The following MPZ variants were observed in gnomAD, a reference collection of about 807,000 sequenced individuals.
MPZ encodes the protein myelin protein zero.
A neutral mutation model predicts 27.9 loss-of-function variants in MPZ; 13 were observed. The ratio of observed to expected loss-of-function variants is 0.47; its 90% CI spans 0.30 to 0.74. The LOEUF (loss-of-function observed/expected upper bound fraction) is 0.74, where lower values mean the gene tolerates loss of function less well. Ranked by LOEUF, MPZ falls within the 30% of genes least tolerant of loss-of-function variation. The probability of loss-of-function intolerance (pLI) is 0.06; values close to 1 mark genes in which losing one functional copy is unlikely to be tolerated. For missense variants in MPZ, 256 were observed against 317.5 expected, an observed-to-expected ratio of 0.81 and a Z score of 1.47; for synonymous variants, 118 against 128.9, an observed-to-expected ratio of 0.92 and a Z score of 0.57.
chr1:161,307,537 A>G, intron 1 of MPZ, 113 bp from the exon 2 acceptor site: 1 of 1,200,136 alleles, frequency 8.3e-7, no homozygotes. Context: ...GCCAATTTGG[A>G]AAAGAAACAA....
At chr1:161,309,541 T>TC (rs1670344960) in intron 1 of MPZ, among the ~76,000 whole-genome samples, 1 of 112,960 alleles carries the variant, frequency 8.9e-6, no homozygotes, top group African/African-American at 3.7e-5. Context: ...TTTTCATATA[T>TC]ATATATATAT....
In MPZ at chr1:161,305,536, G is replaced by T; in HGVS notation, c.*340C>A. On this transcript the variant is annotated 3_prime_UTR_variant, in exon 6 of 6. Transcript: ENST00000533357. ...AAGGTGGGGGAGAATACAATTGCCT[G>T]GGGAATGAATTCTGGAATGAAACTT... The T allele has an allele frequency of 3.0e-6, 1 of 330,734 alleles. No individual in the cohort carries two copies. 20.5% of individuals were successfully genotyped at this position (330,734 alleles called of 1,614,324 possible).
intron 2 of MPZ, 137 bp downstream of exon 2, chr1:161,307,120 CA>C: frequency 3.3e-6 from 4 of 1,210,578 alleles, no homozygotes; most frequent in Non-Finnish European, 3.5e-6. Flanking sequence ...GTCAGGGTGA[CA>C]AAGACTGTCA....
intron 3 of MPZ, 30 bp downstream of exon 3, chr1:161,306,678 C>T: frequency 6.2e-7 from 1 of 1,608,956 alleles, no homozygotes; most frequent in Non-Finnish European, 8.5e-7. Flanking sequence ...AAACTGCTTC[C>T]CATACCCTTG....
chr1:161,307,265 G>T lies in MPZ; in HGVS notation c.227C>A (p.Ala76Asp), dbSNP rs1170786711. The stretch of plus-strand genomic sequence containing the variant: ...ATTCCCCCAGGCACTCACCGAAATG[G>T]CATCTCTGCCCCCTTCGGGCTGGTA... ...WRYQPEGGRD[A>D]ISIFHYAKGQ... The change falls in exon 2 of 6, where the codon GCC becomes GAC. Residue 76 changes from alanine (A) to aspartate (D), a missense_variant. By Grantham distance (126) the Ala-to-Asp change is moderately radical. Transcript: ENST00000533357. The T allele has an allele frequency of 6.2e-7, 1 of 1,614,214 alleles. No individual in the cohort carries two copies. Among genetic ancestry groups the T allele is most frequent in the Admixed American group, 1.7e-5 (1 of 60,020 alleles).
downstream of MPZ, among the ~76,000 whole-genome samples, chr1:161,304,159 T>G (rs147059987): frequency 6.8e-3 from 1,033 of 152,298 alleles, 5 homozygotes; most frequent in South Asian, 0.022. Context: ...TAAAATCATG[T>G]ACCAACAAAA....
chr1:161,307,394 T>A lies in MPZ; in HGVS notation c.98A>T (p.Tyr33Phe), dbSNP rs771372609. The A allele has an allele frequency of 1.9e-6, 3 of 1,614,202 alleles. No individual in the cohort carries two copies. Among genetic ancestry groups the A allele is most frequent in the Non-Finnish European group, 2.5e-6 (3 of 1,180,042 alleles). The change falls in exon 2 of 6, where the codon TAC (tyrosine) becomes TTC (phenylalanine). Residue 33 changes from tyrosine (Y) to phenylalanine (F), a missense_variant. Physicochemically the swap from Tyr to Phe is conservative, Grantham distance 22. This residue lies in a region of MPZ where 155 missense variants were observed against 223.9 expected (regional missense o/e 0.69). Coordinates refer to ENST00000533357, the MANE Select transcript of MPZ (RefSeq NM_000530.8). ...AGCACCATGGACCTCCCTGTCGGTG[T>A]AAACCACGATGGCCTGGGCCGGGGA... ...VLSPAQAIVV[Y>F]TDREVHGAVG... is the part of the protein sequence containing the mutation.
In MPZ at chr1:161,305,509, T is replaced by C. The variant is rs1158535161; in HGVS notation, c.*367A>G. 4.4e-6 allele frequency: 1 copy of C among 226,430 alleles called. No individual in the cohort carries two copies. Among genetic ancestry groups the C allele is most frequent in the Non-Finnish European group, 8.7e-6 (1 of 114,578 alleles). 14.0% of individuals were successfully genotyped at this position (226,430 alleles called of 1,614,324 possible). On this transcript the variant is annotated 3_prime_UTR_variant, in exon 6 of 6. Coordinates refer to ENST00000533357, the MANE Select transcript of MPZ (RefSeq NM_000530.8). Reference sequence around the variant, plus strand: ...TCCTGGGCTCCCAGAAAGCCAGGGGTGAAGGTGGGGGAGAATACAATTGCC... The same window carrying C: ...TCCTGGGCTCCCAGAAAGCCAGGGGCGAAGGTGGGGGAGAATACAATTGCC...
chr1:161,309,781 G>A (rs1309814879), intron 1 of MPZ, 58 bp downstream of exon 1: 8 of 1,365,550 alleles, frequency 5.9e-6, no homozygotes, highest in Non-Finnish European at 7.2e-6. Flanking sequence ...AAAGGCTGTG[G>A]GGATTGCTGA....
chr1:161,305,932 C>T lies in MPZ; in HGVS notation c.691G>A (p.Ala231Thr), dbSNP rs1471261466. 5.6e-6 allele frequency: 9 copies of T among 1,613,946 alleles called. No homozygotes were observed. Among genetic ancestry groups the T allele is most frequent in the Admixed American group, 5.0e-5 (3 of 59,992 alleles). Residue 231 changes from alanine to threonine, a missense_variant, in exon 6 of 6, where the codon GCT becomes ACT. Around this residue, in one of 2 missense-constraint regions of MPZ, gnomAD observed 101 missense variants for 93.6 expected, o/e 1.08. Transcript: ENST00000533357. ...AMLDHSRSTK[A>T]VSEKKAKGLG... is the part of the protein sequence containing the mutation. ...CCCTTGGCCTTCTTCTCACTGACAG[C>T]TTTGGTGCTTCTGCTGTGGTCCAGC...
intron 1 of MPZ, among the ~76,000 whole-genome samples, chr1:161,308,274 C>T (rs1188858495): frequency 6.6e-6 from 1 of 152,044 alleles, no homozygotes; most frequent in African/African-American, 2.4e-5. Flanking sequence ...GGCCTCATAC[C>T]CCTCTCAGCT....
In MPZ at chr1:161,308,667, G is replaced by A. The variant is rs186942198; in HGVS notation, c.67+1172C>T. On this transcript the variant is annotated intron_variant, in intron 1 of 5. Coordinates refer to ENST00000533357, the MANE Select transcript of MPZ (RefSeq NM_000530.8). ...TGGGAATCCCCCTTGTTTAACAAGG[G>A]AGATAATTCACTGGCTCTAACTTCT... is the stretch of plus-strand genomic sequence containing the variant. 5.9e-5 allele frequency among the ~76,000 whole-genome samples: 9 copies of A among 152,280 alleles called. No homozygotes were observed. The South Asian group carries it at 1.2e-3, about 21-fold the overall frequency.
downstream of MPZ, among the ~76,000 whole-genome samples, chr1:161,304,222 T>G (rs1419406184): frequency 2.0e-5 from 3 of 152,212 alleles, no homozygotes; most frequent in Non-Finnish European, 2.9e-5. Context: ...ATTTGTAAAG[T>G]GTACTACCTT....
rs281865128 is a variant in MPZ, at chr1:161,306,426, C to G, written c.487G>C (p.Gly163Arg). ...RYGVVLGAVI[G>R]GVLGVVLLLL... ...AACAGCACCACCCCGAGGACACCCCCGATCACAGCTCCCAGAACGACCCCG... is the reference window on the plus strand; with the variant it reads ...AACAGCACCACCCCGAGGACACCCCGGATCACAGCTCCCAGAACGACCCCG... Residue 163 changes from glycine (G) to arginine (R), a missense_variant, in exon 4 of 6, where the codon GGG becomes CGG. Physicochemically the swap from Gly to Arg is moderately radical, Grantham distance 125 (BLOSUM62 -2). This residue lies in a region of MPZ where 155 missense variants were observed against 223.9 expected (regional missense o/e 0.69). Coordinates refer to ENST00000533357, the MANE Select transcript of MPZ (RefSeq NM_000530.8). 6.2e-7 allele frequency: 1 copy of G among 1,614,076 alleles called. No individual in the cohort carries two copies. The highest frequency in any genetic ancestry group is 1.3e-5 in the African/African-American group (1 of 74,920).
intron 5 of MPZ, 40 bp from the exon 6 acceptor site, chr1:161,306,017 G>A: frequency 6.2e-7 from 1 of 1,608,850 alleles, no homozygotes. Flanking sequence ...GAGCGACTGG[G>A]GCTTGACTGT....
intron 1 of MPZ, 99 bp downstream of exon 1, chr1:161,309,740 T>G: frequency 1.0e-6 from 1 of 978,608 alleles, no homozygotes; most frequent in Admixed American, 2.0e-5. Context: ...CTCCTGCTTG[T>G]TCTTTCTTTG....
chr1:161,307,577 T>A, intron 1 of MPZ, 153 bp from the exon 2 acceptor site: 1 of 732,994 alleles, frequency 1.4e-6, no homozygotes, highest in Non-Finnish European at 2.3e-6. Flanking sequence ...CTCTGGGGAC[T>A]AACTGAACAG....
chr1:161,306,832 C>T lies in MPZ; in HGVS notation c.324G>A (p.Lys108=), dbSNP rs1176134583. The T allele has an allele frequency of 1.2e-6, 2 of 1,613,986 alleles. No homozygotes were observed. The highest frequency in any genetic ancestry group is 1.7e-5 in the Admixed American group (1 of 60,008). ...RIQWVGDPRW[K]DGSIVIHNLD... is the part of the protein sequence containing the mutation. ...GGTTGTGTATGACAATGGAGCCATC[C>T]TTCCAGCGAGGGTCCCCTACCCACT... Residue 108 remains lysine (K), a synonymous_variant, in exon 3 of 6, where the codon AAG becomes AAA. Transcript: ENST00000533357.
At chr1:161,307,014 CAAAAAAA>C (rs34621933) in intron 2 of MPZ, 93 bp from the exon 3 acceptor site, 122 of 232,310 alleles carry the variant, frequency 5.3e-4, no homozygotes, top group South Asian at 6.0e-4. Context: ...AAGAAAAAAG[CAAAAAAA>C]AAAAAAAAAA....
Sources: gnomAD v4.1 joint callset for allele counts (sites outside exome capture counted in the v4.1 genomes callset) on GRCh38, gnomAD v4.1.1 for gene constraint, gnomAD v4.1.1 regional missense constraint, MANE v1.5 for transcripts, NCBI Gene and HGNC (gene_info 2026-07-23, HGNC 2026-07-21) for gene names.